Variants in SLC16A14 observed in about 807,000 individuals in gnomAD.
SLC16A14 encodes the protein monocarboxylate transporter 14.
SLC16A14 carries 14 observed loss-of-function variants against 35.8 expected under a neutral mutation model. The observed-to-expected ratio is 0.39, with a 90% CI of 0.26 to 0.61. The LOEUF (loss-of-function observed/expected upper bound fraction) is 0.61, where lower values mean the gene tolerates loss of function less well. Ranked by LOEUF, SLC16A14 falls within the 20% of genes least tolerant of loss-of-function variation. SLC16A14 has a pLI of 0.51. For synonymous variants in SLC16A14, 248 were observed against 258.9 expected (o/e 0.96, Z 0.40); for missense variants, 533 against 655.0 (o/e 0.81, Z 2.03).
At chr2:230,060,536 TATG>T (rs1349391458) in intron 1 of SLC16A14, among the ~76,000 whole-genome samples, 1 of 152,050 alleles carries the variant, frequency 6.6e-6, no homozygotes. Flanking sequence ...TGTATGTATG[TATG>T]TATGGAGAGA....
intron 2 of SLC16A14, among the ~76,000 whole-genome samples, chr2:230,055,951 C>A (rs151095574): frequency 2.0e-5 from 3 of 152,154 alleles, no homozygotes; most frequent in Non-Finnish European, 4.4e-5. Context: ...TTACAACTGA[C>A]GTAAAACTTG....
Position 230,045,953 on chromosome 2 carries a change from G to C in SLC16A14, c.1173C>G (p.Thr391=). The C allele has an allele frequency of 6.2e-7, 1 of 1,613,220 alleles. No homozygotes were observed. Among genetic ancestry groups the C allele is most frequent in the Non-Finnish European group, 8.5e-7 (1 of 1,179,186 alleles). ...VWNVFLLANF[T]LVLSIFILPL... ...GCAGAATAAAAATACTGAGGACAAG[G>C]GTGAAGTTGGCCAACAGGAAGACAT... Residue 391 remains threonine, a synonymous_variant, in exon 4 of 5, where the codon ACC becomes ACG. Coordinates refer to ENST00000295190, the MANE Select transcript of SLC16A14 (RefSeq NM_152527.5).
rs570121657 is a variant in SLC16A14 at position 230,046,904 on chromosome 2, T to C, written c.404-182A>G. 3.5e-4 allele frequency among the ~76,000 whole-genome samples: 54 copies of C among 152,308 alleles called. No homozygotes were observed. Among genetic ancestry groups the C allele is most frequent in the African/African-American group, 1.1e-3 (46 of 41,574 alleles). ...CCAGGGATAAGCAGCAGAAAGACCA[T>C]CCACCCAAGCAGGTTTCTAGCCCGC... On this transcript the variant is annotated intron_variant, in intron 3 of 4. Transcript: ENST00000295190. This position sits in a 1 kb window ranked among gnomAD's most constrained non-coding sequence, Gnocchi z 5.0.
chr2:230,055,781 G>GCCT (rs1451338532), intron 2 of SLC16A14, among the ~76,000 whole-genome samples: 3 of 152,170 alleles, frequency 2.0e-5, no homozygotes, highest in Admixed American at 6.6e-5. Flanking sequence ...CTTCTTCTGA[G>GCCT]TCTTTTTTTG....
Position 230,068,120 on chromosome 2 carries a change from C to G in SLC16A14, c.-15+435G>C, listed in dbSNP as rs559096551. ...TCCCTAGGCGCAGCCCCGGGTCCCC[C>G]GCTCTGCGCCTCATCACTGTCCAGT... is the stretch of plus-strand genomic sequence containing the variant. On this transcript the variant is annotated intron_variant, in intron 1 of 4. Coordinates refer to ENST00000295190, the MANE Select transcript of SLC16A14 (RefSeq NM_152527.5). The surrounding 1 kb of genome is among the most constrained non-coding windows in gnomAD (Gnocchi z 5.1). The G allele has an allele frequency of 1.3e-5, 2 of 152,714 alleles. No individual in the cohort carries two copies. Among genetic ancestry groups the G allele is most frequent in the African/African-American group, 4.8e-5 (2 of 41,604 alleles). 9.5% of individuals were successfully genotyped at this position (152,714 alleles called of 1,614,324 possible). A position where few individuals can be genotyped will look rare whatever the true frequency, so the allele number is the denominator to read the frequency against.
rs1022487383 is a variant in SLC16A14, at chr2:230,037,182, A to C, written c.*198T>G. On this transcript the variant is annotated 3_prime_UTR_variant, in exon 5 of 5. Coordinates refer to ENST00000295190, the MANE Select transcript of SLC16A14 (RefSeq NM_152527.5). The stretch of plus-strand genomic sequence containing the variant: ...CATCTCTAGAATGTATGTAGTCCTT[A>C]AGATCTTCCAGCATTACATCTCCCC... 4 of 433,944 alleles carry C rather than the reference A, an allele frequency of 9.2e-6. No homozygotes were observed. The highest frequency in any genetic ancestry group is 8.3e-5 in the Admixed American group (2 of 24,114). The allele number at this position is 433,944 out of a possible 1,614,324, so 26.9% of individuals were successfully genotyped here.
intron 3 of SLC16A14, among the ~76,000 whole-genome samples, chr2:230,047,888 T>A (rs1297650781): frequency 6.6e-6 from 1 of 152,224 alleles, no homozygotes; most frequent in East Asian, 1.9e-4. Flanking sequence ...AAATGTATTA[T>A]GTATAATAAG....
intron 1 of SLC16A14, among the ~76,000 whole-genome samples, chr2:230,064,807 G>A (rs1053374620): frequency 2.0e-5 from 3 of 152,158 alleles, no homozygotes; most frequent in East Asian, 1.9e-4. Context: ...GGTCGGGAGT[G>A]TGAGACCAGC....
intron 4 of SLC16A14, among the ~76,000 whole-genome samples, chr2:230,039,624 T>C (rs2077544041): frequency 6.6e-6 from 1 of 152,202 alleles, no homozygotes; most frequent in Non-Finnish European, 1.5e-5. Flanking sequence ...TGGGAATAAC[T>C]GTAATCTACA....
intron 3 of SLC16A14, among the ~76,000 whole-genome samples, chr2:230,049,257 T>C (rs1016643054): frequency 1.3e-5 from 2 of 148,872 alleles, no homozygotes; most frequent in African/African-American, 4.9e-5. Flanking sequence ...TTTTTGTATT[T>C]TCAGTAGAGA....
intron 3 of SLC16A14, among the ~76,000 whole-genome samples, chr2:230,049,063 T>C (rs2077634685): frequency 6.8e-6 from 1 of 147,990 alleles, no homozygotes; most frequent in Admixed American, 6.8e-5. Flanking sequence ...TTATTATTAT[T>C]ATTATTATTA....
intron 1 of SLC16A14, among the ~76,000 whole-genome samples, chr2:230,067,563 T>TATCA (rs2077811143): frequency 2.0e-5 from 1 of 48,860 alleles, no homozygotes; most frequent in African/African-American, 5.5e-5. Context: ...TCTCTCTCTC[T>TATCA]CTCTCTCTCA....
At chr2:230,054,939 C>A (rs1232286020) in intron 2 of SLC16A14, among the ~76,000 whole-genome samples, 2 of 151,832 alleles carry the variant, frequency 1.3e-5, no homozygotes, top group East Asian at 3.9e-4. Context: ...AAACCACGGA[C>A]CTTTCTAAAT....
intron 1 of SLC16A14, among the ~76,000 whole-genome samples, chr2:230,064,993 A>G (rs1307367352): frequency 6.6e-6 from 1 of 152,304 alleles, no homozygotes; most frequent in Admixed American, 6.5e-5. Context: ...CTGGGCAACA[A>G]GAGTGAAACT....
At chr2:230,061,598 T>G (rs945466695) in intron 1 of SLC16A14, among the ~76,000 whole-genome samples, 1 of 152,230 alleles carries the variant, frequency 6.6e-6, no homozygotes, top group African/African-American at 2.4e-5. Context: ...GTCACTTCAC[T>G]TGTGTCACTC....
At chr2:230,048,936 A>AAC (rs1553819288) in intron 3 of SLC16A14, among the ~76,000 whole-genome samples, 6 of 91,720 alleles carry the variant, frequency 6.5e-5, no homozygotes, top group Admixed American at 2.4e-4. Flanking sequence ...AAAAAAAAAA[A>AAC]AAAAAAAAAC....
In SLC16A14 at chr2:230,035,857, A is replaced by T. The variant is rs2077515261; in HGVS notation, c.*1523T>A. 6.6e-6 allele frequency: 1 copy of T among 152,384 alleles called. No individual in the cohort carries two copies. Among genetic ancestry groups the T allele is most frequent in the Non-Finnish European group, 1.5e-5 (1 of 68,038 alleles). 9.4% of individuals were successfully genotyped at this position (152,384 alleles called of 1,614,324 possible). A position where few individuals can be genotyped will look rare whatever the true frequency, so the allele number is the denominator to read the frequency against. On this transcript the variant is annotated 3_prime_UTR_variant, in exon 5 of 5. Transcript: ENST00000295190. ...ATAATGGAGATGGAACAAAAAGAGAACTTGTCCATTGAATCACTTGTTAAC... is the reference window on the plus strand; with the variant it reads ...ATAATGGAGATGGAACAAAAAGAGATCTTGTCCATTGAATCACTTGTTAAC...
chr2:230,037,270 C>G lies in SLC16A14; in HGVS notation c.*110G>C, dbSNP rs2077525803. On this transcript the variant is annotated 3_prime_UTR_variant, in exon 5 of 5. Coordinates refer to ENST00000295190, the MANE Select transcript of SLC16A14 (RefSeq NM_152527.5). ...ACAATGGCATTTACAAATGACAGTG[C>G]CAGTTACCGTACAAAATGCTTTCCC... 3 of 965,728 alleles carry G rather than the reference C, an allele frequency of 3.1e-6. No individual in the cohort carries two copies. The East Asian group carries it at 8.2e-5, about 27-fold the overall frequency. 59.8% of individuals were successfully genotyped at this position (965,728 alleles called of 1,614,324 possible). A position where few individuals can be genotyped will look rare whatever the true frequency, so the allele number is the denominator to read the frequency against.
At chr2:230,039,848 C>T (rs778985806) in intron 4 of SLC16A14, among the ~76,000 whole-genome samples, 7 of 152,106 alleles carry the variant, frequency 4.6e-5, no homozygotes, top group African/African-American at 1.2e-4. Flanking sequence ...ACGTGAACCT[C>T]GAAAATAGGA....
Sources: gnomAD v4.1 joint callset for allele counts (sites outside exome capture counted in the v4.1 genomes callset) on GRCh38, gnomAD v4.1.1 for gene constraint, Gnocchi (gnomAD v3.1) non-coding constraint, MANE v1.5 for transcripts, NCBI Gene and HGNC (gene_info 2026-07-23, HGNC 2026-07-21) for gene names.